The following KIF13A variants were observed in gnomAD, a reference collection of about 807,000 sequenced individuals.
KIF13A encodes kinesin family member 13A.
KIF13A carries 79 observed loss-of-function variants against 212.2 expected under a neutral mutation model. The observed-to-expected ratio is 0.37, with a 90% CI of 0.31 to 0.45. KIF13A has a LOEUF of 0.45. Among genes scored for constraint, KIF13A ranks in the 20% least tolerant of loss-of-function variants. The probability of loss-of-function intolerance (pLI) is 1.00; values close to 1 mark genes in which losing one functional copy is unlikely to be tolerated. For missense variants in KIF13A, 1,901 were observed against 2,209.0 expected, an observed-to-expected ratio of 0.86 and a Z score of 2.79; for synonymous variants, 789 against 808.6, an observed-to-expected ratio of 0.98 and a Z score of 0.41.
At chr6:17,823,270 G>GAGCC (rs1322241576) in intron 16 of KIF13A, among the ~76,000 whole-genome samples, 14 of 151,566 alleles carry the variant, frequency 9.2e-5, no homozygotes, top group African/African-American at 3.4e-4. Context: ...TCTTGCAGGT[G>GAGCC]AGCCACCTGC....
At position 17,772,108 on chromosome 6, in the gene KIF13A, C is replaced by G. The variant is rs777280135; in HGVS notation, c.4325-49G>C. 1.7e-5 allele frequency: 26 copies of G among 1,556,914 alleles called. No individual in the cohort carries two copies. The Admixed American group carries it at 2.4e-4, about 15-fold the overall frequency. On this transcript the variant is annotated intron_variant, in intron 36 of 38. Coordinates refer to ENST00000259711, the MANE Select transcript of KIF13A (RefSeq NM_022113.6). This position sits in a 1 kb window ranked among gnomAD's most constrained non-coding sequence, Gnocchi z 4.8. The stretch of plus-strand genomic sequence containing the variant: ...GGTTACAGATGCTGAACACTTTAAG[C>G]AAAACATAGGAACTGAGACAATGAC...
intron 3 of KIF13A, among the ~76,000 whole-genome samples, chr6:17,879,734 T>C (rs982807433): frequency 6.6e-6 from 1 of 152,232 alleles, no homozygotes; most frequent in African/African-American, 2.4e-5. Context: ...GACATTTCCC[T>C]TGCAATCTCT....
rs1391795171 is a variant in KIF13A at position 17,800,004 on chromosome 6, A to T, written c.2564T>A (p.Val855Asp). Residue 855 changes from valine to aspartate, a missense_variant, in exon 21 of 39, where the codon GTC (valine) becomes GAC (aspartate). Val to Asp is a radical substitution (Grantham distance 152, BLOSUM62 -3). Transcript: ENST00000259711. ...ENSSESGSLE[V>D]VDSSGEIIHR... is the part of the protein sequence containing the mutation. ...AATGATTTCCCCGCTGCTGTCTACG[A>T]CTTCAAGGCTCCCACTTTCACTGGA... 1 of 1,613,978 alleles carries T rather than the reference A, an allele frequency of 6.2e-7. No individual in the cohort carries two copies.
intron 13 of KIF13A, among the ~76,000 whole-genome samples, chr6:17,830,608 G>A (rs1460835417): frequency 6.6e-6 from 1 of 152,206 alleles, no homozygotes; most frequent in Non-Finnish European, 1.5e-5. Context: ...GGGACCAAAA[G>A]TTATTTCCTG....
Position 17,817,085 on chromosome 6 carries a change from G to A in KIF13A, c.1935C>T (p.Gly645=). The part of the protein sequence containing the change: ...LSPDRQPQSS[G]PDRLAYSSQT... ...GGCTGCTGTAGGCCAGGCGGTCAGG[G>A]CCGCTACTCTGTGGCTGCCTGTCGG... Residue 645 remains glycine, a synonymous_variant, in exon 17 of 39, where the codon GGC becomes GGT. Transcript: ENST00000259711. The A allele has an allele frequency of 6.2e-7, 1 of 1,613,794 alleles. No homozygotes were observed. Among genetic ancestry groups the A allele is most frequent in the Middle Eastern group, 1.7e-4 (1 of 5,970 alleles).
At chr6:17,815,345 C>T (rs972807727) in intron 17 of KIF13A, among the ~76,000 whole-genome samples, 2 of 152,160 alleles carry the variant, frequency 1.3e-5, no homozygotes, top group African/African-American at 4.8e-5. Context: ...TCATGTCAGG[C>T]CTTCCACAAG....
At chr6:17,862,053 G>T (rs1365321381) in intron 4 of KIF13A, among the ~76,000 whole-genome samples, 1 of 152,054 alleles carries the variant, frequency 6.6e-6, no homozygotes, top group East Asian at 1.9e-4. Flanking sequence ...ATCTCGCTTT[G>T]TGTCCAGGCT....
intron 3 of KIF13A, among the ~76,000 whole-genome samples, chr6:17,885,254 AGGAACTC>A (rs1354980684): frequency 1.3e-5 from 2 of 152,222 alleles, no homozygotes; most frequent in Admixed American, 1.3e-4. Context: ...CTCTGCCAGG[AGGAACTC>A]CAGCATGTAT....
rs1779549078 is a variant in KIF13A at position 17,968,808 on chromosome 6, A to G, written c.146+18246T>C. Among the ~76,000 whole-genome samples the G allele has an allele frequency of 6.6e-6, 1 of 152,320 alleles. No homozygotes were observed. The highest frequency in any genetic ancestry group is 6.5e-5 in the Admixed American group (1 of 15,292). The stretch of plus-strand genomic sequence containing the variant: ...GCCACATGACAGCACAAAGGCTATC[A>G]TTATGTAACAATTTAATGCAGAAAT... On this transcript the variant is annotated intron_variant, in intron 2 of 38. Transcript: ENST00000259711. This position sits in a 1 kb window ranked among gnomAD's most constrained non-coding sequence, Gnocchi z 4.7.
Position 17,764,990 on chromosome 6 carries a change from A to C in KIF13A, c.4582-44T>G, listed in dbSNP as rs189963160. The C allele has an allele frequency of 6.9e-7, 1 of 1,441,968 alleles. No homozygotes were observed. The highest frequency in any genetic ancestry group is 9.4e-7 in the Non-Finnish European group (1 of 1,059,896). 89.3% of individuals were successfully genotyped at this position (1,441,968 alleles called of 1,614,324 possible). A position where few individuals can be genotyped will look rare whatever the true frequency, so the allele number is the denominator to read the frequency against. On this transcript the variant is annotated intron_variant, in intron 38 of 38. Coordinates refer to ENST00000259711, the MANE Select transcript of KIF13A (RefSeq NM_022113.6). The surrounding 1 kb of genome is among the most constrained non-coding windows in gnomAD (Gnocchi z 5.1). ...AGTCAGTCATTAGCTCCTTGTAGCA[A>C]CTGTACTGTTGAGACAAGTTTTAAA...
In KIF13A at chr6:17,963,616, G is replaced by A. The variant is rs553236084; in HGVS notation, c.146+23438C>T. 3.0e-4 allele frequency among the ~76,000 whole-genome samples: 45 copies of A among 152,238 alleles called. No homozygotes were observed. Among genetic ancestry groups the A allele is most frequent in the African/African-American group, 9.1e-4 (38 of 41,540 alleles). On this transcript the variant is annotated intron_variant, in intron 2 of 38. Transcript: ENST00000259711. This position sits in a 1 kb window ranked among gnomAD's most constrained non-coding sequence, Gnocchi z 4.1. The stretch of plus-strand genomic sequence containing the variant: ...TGTGTCGCCTAGGCTGGAGTGCTGC[G>A]CGTGATCGCAGCTTACTGCAACCTC...
chr6:17,817,206 A>T lies in KIF13A; in HGVS notation c.1814T>A (p.Leu605Gln). The T allele has an allele frequency of 6.2e-7, 1 of 1,614,048 alleles. No homozygotes were observed. Among genetic ancestry groups the T allele is most frequent in the Non-Finnish European group, 8.5e-7 (1 of 1,179,894 alleles). Residue 605 changes from leucine to glutamine, a missense_variant, in exon 17 of 39, where the codon CTG becomes CAG. Physicochemically the swap from Leu to Gln is moderately radical, Grantham distance 113. This residue lies in a region of KIF13A where 534 missense variants were observed against 536.9 expected (regional missense o/e 0.99). Transcript: ENST00000259711. ...CTTTTCTTCTAGGTATTGTTTCTCC[A>T]GGACCTGAACCACATTTTGAACTGG... is the stretch of plus-strand genomic sequence containing the variant. ...NDPVQNVVQV[L>Q]EKQYLEEKRS...
chr6:17,987,256 GACGGCGCCCCGGGC>G lies in KIF13A; in HGVS notation c.56-126_56-113del. 4.3e-6 allele frequency: 4 copies of G among 926,006 alleles called. No individual in the cohort carries two copies. Among genetic ancestry groups the G allele is most frequent in the Non-Finnish European group, 5.7e-6 (4 of 704,204 alleles). The allele number at this position is 926,006 out of a possible 1,614,324, so 57.4% of individuals were successfully genotyped here. A position where few individuals can be genotyped will look rare whatever the true frequency, so the allele number is the denominator to read the frequency against. ...GTCCCTGGAGGCGGCCGAGCCTGGA[GACGGCGCCCCGGGC>G]ACCACGGCCAGCGCGGACGCCGCCT... On this transcript the variant is annotated intron_variant, in intron 1 of 38. Transcript: ENST00000259711. This position sits in a 1 kb window ranked among gnomAD's most constrained non-coding sequence, Gnocchi z 7.7.
At chr6:17,885,383 C>A (rs753057404) in intron 3 of KIF13A, among the ~76,000 whole-genome samples, 4 of 152,182 alleles carry the variant, frequency 2.6e-5, no homozygotes, top group African/African-American at 9.7e-5. Context: ...TGTCTTTTGG[C>A]AATGTAATTA....
intron 4 of KIF13A, among the ~76,000 whole-genome samples, chr6:17,858,703 G>A (rs1368541048): frequency 6.6e-6 from 1 of 152,136 alleles, no homozygotes; most frequent in African/African-American, 2.4e-5. Flanking sequence ...AGACCTAAGT[G>A]CCATTTGAAG....
intron 2 of KIF13A, among the ~76,000 whole-genome samples, chr6:17,977,000 G>A (rs934132420): frequency 6.6e-6 from 1 of 151,704 alleles, no homozygotes; most frequent in Non-Finnish European, 1.5e-5. Context: ...TACTCGGGAG[G>A]CTGAGGCAGG....
rs1276319385 is a variant in KIF13A, at chr6:17,915,767, G to T, written c.147-17587C>A. Among the ~76,000 whole-genome samples the T allele has an allele frequency of 1.3e-5, 2 of 151,990 alleles. No homozygotes were observed. Among genetic ancestry groups the T allele is most frequent in the Admixed American group, 6.6e-5 (1 of 15,252 alleles). On this transcript the variant is annotated intron_variant, in intron 2 of 38. Coordinates refer to ENST00000259711, the MANE Select transcript of KIF13A (RefSeq NM_022113.6). This position sits in a 1 kb window ranked among gnomAD's most constrained non-coding sequence, Gnocchi z 4.4. ...ACTTGAGTCCAGGAGCTTGAGACCA[G>T]CCTGGGCAACATGACAAAACACCGT...
chr6:17,906,558 C>T (rs988074951), intron 2 of KIF13A, among the ~76,000 whole-genome samples: 2 of 151,152 alleles, frequency 1.3e-5, no homozygotes, highest in African/African-American at 4.9e-5. Context: ...AAGAGATCCT[C>T]CCATCTCAGC....
At position 17,789,788 on chromosome 6, in the gene KIF13A, C is replaced by T. The variant is rs1256669828; in HGVS notation, c.3261+84G>A. 12 of 1,162,298 alleles carry T rather than the reference C, an allele frequency of 1.0e-5. No individual in the cohort carries two copies. Among genetic ancestry groups the T allele is most frequent in the Non-Finnish European group, 1.5e-5 (12 of 791,500 alleles). The allele number at this position is 1,162,298 out of a possible 1,614,324, so 72.0% of individuals were successfully genotyped here. ...TATTCTCGCTCTAGGGCCCTCCTTC[C>T]TCCTCCCTGGCCTCTGCTTTGCGAA... is the stretch of plus-strand genomic sequence containing the variant. On this transcript the variant is annotated intron_variant, in intron 26 of 38. Transcript: ENST00000259711. The surrounding 1 kb of genome is among the most constrained non-coding windows in gnomAD (Gnocchi z 4.8).
Sources: gnomAD v4.1 joint callset for allele counts (sites outside exome capture counted in the v4.1 genomes callset) on GRCh38, gnomAD v4.1.1 for gene constraint, gnomAD v4.1.1 regional missense constraint, Gnocchi (gnomAD v3.1) non-coding constraint, MANE v1.5 for transcripts, NCBI Gene and HGNC (gene_info 2026-07-23, HGNC 2026-07-21) for gene names.